The following OTUD7A variants were observed in gnomAD, a reference collection of about 807,000 sequenced individuals.
OTUD7A encodes OTU deubiquitinase 7A.
OTUD7A carries 12 observed loss-of-function variants against 65.7 expected under a neutral mutation model. The ratio of observed to expected loss-of-function variants is 0.18; its 90% CI spans 0.12 to 0.30. The LOEUF is 0.30. OTUD7A is among the 10% of genes least tolerant of loss of function. OTUD7A has a pLI of 1.00. For missense variants in OTUD7A, 1,148 were observed against 1,304.8 expected (o/e 0.88, Z 1.85); for synonymous variants, 641 against 586.3 (o/e 1.09, Z -1.35).
intron 1 of OTUD7A, among the ~76,000 whole-genome samples, chr15:31,804,648 G>A (rs1277281123): frequency 6.6e-6 from 1 of 152,114 alleles, no homozygotes; most frequent in African/African-American, 2.4e-5. Flanking sequence ...GGGAGGGGTG[G>A]GGCAGGGATG....
intron 5 of OTUD7A, among the ~76,000 whole-genome samples, chr15:31,555,658 G>A (rs115466634): frequency 6.6e-6 from 1 of 152,106 alleles, no homozygotes; most frequent in African/African-American, 2.4e-5. Context: ...GGGTCTTCAC[G>A]TGAGTCTGAG....
At chr15:31,665,407 T>C (rs1892291331) in intron 1 of OTUD7A, among the ~76,000 whole-genome samples, 2 of 152,204 alleles carry the variant, frequency 1.3e-5, no homozygotes. Flanking sequence ...AAGTATTTGA[T>C]TTTATTTTTG....
chr15:31,534,791 T>C (rs920016801), intron 5 of OTUD7A, among the ~76,000 whole-genome samples: 3 of 152,180 alleles, frequency 2.0e-5, no homozygotes, highest in Admixed American at 6.5e-5. Context: ...CCCGCCGACA[T>C]ACACCCAAAT....
intron 5 of OTUD7A, among the ~76,000 whole-genome samples, chr15:31,548,752 C>T (rs1888218795): frequency 6.6e-6 from 1 of 152,156 alleles, no homozygotes; most frequent in Non-Finnish European, 1.5e-5. Context: ...TGACCACATC[C>T]ATGGTTCTGA....
intron 1 of OTUD7A, among the ~76,000 whole-genome samples, chr15:31,709,177 T>C (rs1326256682): frequency 6.6e-6 from 1 of 151,466 alleles, no homozygotes; most frequent in Non-Finnish European, 1.5e-5. Flanking sequence ...TAGCTACGCC[T>C]GCTAGAGCAA....
intron 1 of OTUD7A, among the ~76,000 whole-genome samples, chr15:31,780,911 A>G (rs1895521109): frequency 6.6e-6 from 1 of 152,346 alleles, no homozygotes; most frequent in South Asian, 2.1e-4. Context: ...GAAGGAATAC[A>G]GTGACTGTAG....
At chr15:31,508,543 G>A (rs1176587888) in intron 8 of OTUD7A, among the ~76,000 whole-genome samples, 2 of 152,132 alleles carry the variant, frequency 1.3e-5, no homozygotes, top group African/African-American at 2.4e-5. Context: ...TAGTAGAGAC[G>A]GGGTTTCACT....
chr15:31,595,974 C>T (rs1275351252), intron 3 of OTUD7A, among the ~76,000 whole-genome samples: 2 of 152,036 alleles, frequency 1.3e-5, no homozygotes, highest in African/African-American at 2.4e-5. Context: ...CCTCTTCTTC[C>T]TCTTCTCTCA....
At chr15:31,531,573 C>T (rs7176903) in intron 5 of OTUD7A, among the ~76,000 whole-genome samples, 8,559 of 145,926 alleles carry the variant, frequency 0.059, 359 homozygotes, top group Middle Eastern at 0.11. Context: ...TCTCTCTAGA[C>T]AGAATACCAG....
At chr15:31,741,600 A>G (rs900507525) in intron 1 of OTUD7A, among the ~76,000 whole-genome samples, 1 of 152,184 alleles carries the variant, frequency 6.6e-6, no homozygotes, top group African/African-American at 2.4e-5. Context: ...CAATGAAAGA[A>G]GAATCACAAC....
intron 6 of OTUD7A, among the ~76,000 whole-genome samples, chr15:31,529,437 C>A (rs541296518): frequency 2.6e-5 from 4 of 152,140 alleles, no homozygotes; most frequent in African/African-American, 2.4e-5. Context: ...GACAAAAGAC[C>A]GGAAGATGAT....
At chr15:31,848,339 G>C (rs767803494) in intron 1 of OTUD7A, among the ~76,000 whole-genome samples, 4 of 152,186 alleles carry the variant, frequency 2.6e-5, no homozygotes, top group Non-Finnish European at 4.4e-5. Flanking sequence ...CTGTGGGATT[G>C]AGATGAGGGG....
chr15:31,677,763 T>C (rs1386763600), intron 1 of OTUD7A, among the ~76,000 whole-genome samples: 1 of 152,208 alleles, frequency 6.6e-6, no homozygotes, highest in African/African-American at 2.4e-5. Flanking sequence ...CAGTTCTTTA[T>C]AGCAGTATCA....
At chr15:31,631,345 T>C (rs1387273780) in intron 3 of OTUD7A, among the ~76,000 whole-genome samples, 1 of 152,234 alleles carries the variant, frequency 6.6e-6, no homozygotes. Flanking sequence ...CCTTCACTTA[T>C]GAAGCTTAGT....
intron 5 of OTUD7A, chr15:31,558,409 G>A (rs1041468971): frequency 6.5e-6 from 1 of 154,270 alleles, no homozygotes; most frequent in Non-Finnish European, 1.4e-5. Context: ...ACTGAGGTCA[G>A]GTTTTGTGCT....
chr15:31,514,761 A>G (rs2041817249), intron 8 of OTUD7A, among the ~76,000 whole-genome samples: 1 of 152,164 alleles, frequency 6.6e-6, no homozygotes, highest in African/African-American at 2.4e-5. Flanking sequence ...TCCAGATGCC[A>G]CCTTGCTTTG....
At chr15:31,670,855 C>T (rs35815773) in intron 1 of OTUD7A, among the ~76,000 whole-genome samples, 46 of 151,396 alleles carry the variant, frequency 3.0e-4, no homozygotes, top group African/African-American at 9.8e-4. Flanking sequence ...ATTAGCCGGG[C>T]GTGGTGGCGG....
chr15:31,528,190 G>A (rs1004100203), intron 6 of OTUD7A, among the ~76,000 whole-genome samples: 6 of 152,236 alleles, frequency 3.9e-5, no homozygotes, highest in African/African-American at 7.2e-5. Context: ...CAGAGTGTAC[G>A]ATGTTGAGGG....
chr15:31,820,476 C>T (rs1008359498), intron 1 of OTUD7A, among the ~76,000 whole-genome samples: 7 of 152,172 alleles, frequency 4.6e-5, no homozygotes, highest in Non-Finnish European at 8.8e-5. Context: ...TTGATGCAAT[C>T]GTTATGGTCA....
Sources: gnomAD v4.1 joint callset for allele counts (sites outside exome capture counted in the v4.1 genomes callset) on GRCh38, gnomAD v4.1.1 for gene constraint, MANE v1.5 for transcripts, NCBI Gene and HGNC (gene_info 2026-07-23, HGNC 2026-07-21) for gene names.